The following CDC16 variants were observed in gnomAD, a reference collection of about 807,000 sequenced individuals.
CDC16 encodes cell division cycle 16.
CDC16 carries 34 observed loss-of-function variants against 87.0 expected under a neutral mutation model. The ratio of observed to expected loss-of-function variants is 0.39; its 90% CI spans 0.30 to 0.52. The LOEUF is 0.52. Among genes scored for constraint, CDC16 ranks in the 20% least tolerant of loss-of-function variants. The pLI, the probability that CDC16 is intolerant of heterozygous loss-of-function variation, is 0.74. For missense variants in CDC16, 653 were observed against 751.9 expected, an observed-to-expected ratio of 0.87 and a Z score of 1.54; for synonymous variants, 263 against 260.6, an observed-to-expected ratio of 1.01 and a Z score of -0.09.
intron 17 of CDC16, among the ~76,000 whole-genome samples, chr13:114,267,102 C>T (rs1471249943): frequency 6.6e-6 from 1 of 152,196 alleles, no homozygotes; most frequent in Non-Finnish European, 1.5e-5. Context: ...TTTCTATATG[C>T]TTTAAAACAT....
chr13:114,252,785 T>C (rs1443587428), intron 12 of CDC16, among the ~76,000 whole-genome samples: 1 of 152,206 alleles, frequency 6.6e-6, no homozygotes, highest in Non-Finnish European at 1.5e-5. Flanking sequence ...GAATCAATGA[T>C]AATTAATGAC....
chr13:114,258,324 AG>A (rs1310701417), intron 13 of CDC16, among the ~76,000 whole-genome samples: 1 of 152,196 alleles, frequency 6.6e-6, no homozygotes. Context: ...GCTGGGAGAA[AG>A]CTGGGTCTCC....
chr13:114,252,738 A>G (rs968661448), intron 12 of CDC16, among the ~76,000 whole-genome samples: 29 of 152,226 alleles, frequency 1.9e-4, no homozygotes, highest in Non-Finnish European at 2.2e-4. Flanking sequence ...GTTCTCAGAA[A>G]CAGAATAGTT....
intron 3 of CDC16, 68 bp from the exon 4 acceptor site, chr13:114,238,922 G>A: frequency 6.5e-7 from 1 of 1,538,458 alleles, no homozygotes; most frequent in East Asian, 2.3e-5. Flanking sequence ...TTATGCTTAT[G>A]GCTTTCTTTG....
At chr13:114,253,354 T>C (rs1413550331) in intron 12 of CDC16, among the ~76,000 whole-genome samples, 1 of 152,192 alleles carries the variant, frequency 6.6e-6, no homozygotes, top group Non-Finnish European at 1.5e-5. Context: ...AATTCCATTG[T>C]AGTTAGAGAA....
Position 114,244,967 on chromosome 13 carries a change from A to G in CDC16, c.845A>G (p.Asn282Ser), listed in dbSNP as rs745422474. The change falls in exon 9 of 18, where the codon AAT (asparagine) becomes AGT (serine). Residue 282 changes from asparagine (N) to serine (S), a missense_variant and splice_region_variant. Coordinates refer to ENST00000356221, the MANE Select transcript of CDC16 (RefSeq NM_001078645.3). ...ACGCTTGTAGAGCTGAATAAAGCCA[A>G]TGGTAAGACTTTTTTTTAAATTAAA... ...IGTLVELNKA[N>S]ELFYLSHKLV... The G allele has an allele frequency of 6.5e-7, 1 of 1,549,986 alleles. No individual in the cohort carries two copies. The highest frequency in any genetic ancestry group is 2.3e-5 in the East Asian group (1 of 43,850).
chr13:114,270,118 G>C (rs1383086501), intron 17 of CDC16, among the ~76,000 whole-genome samples: 2 of 152,166 alleles, frequency 1.3e-5, no homozygotes, highest in East Asian at 3.8e-4. Flanking sequence ...CTGAGCCTGG[G>C]TAATTTATAA....
At position 114,235,246 on chromosome 13, in the gene CDC16, C is replaced by T. The variant is rs377337719; in HGVS notation, c.48+114C>T. On this transcript the variant is annotated intron_variant, in intron 1 of 17. Transcript: ENST00000356221. Reference sequence around the variant, plus strand: ...TCTTGGTGGGGAAGGACTGGGCCGGCCCTGGGCCTTCATCTGGGGCCAGCA... The same window carrying T: ...TCTTGGTGGGGAAGGACTGGGCCGGTCCTGGGCCTTCATCTGGGGCCAGCA... 4.8e-5 allele frequency: 33 copies of T among 689,292 alleles called. 1 individual carries two copies. The East Asian group carries it at 7.9e-4, about 16-fold the overall frequency. The allele number at this position is 689,292 out of a possible 1,614,324, so 42.7% of individuals were successfully genotyped here.
At chr13:114,252,265 T>TA (rs2082236829) in intron 12 of CDC16, among the ~76,000 whole-genome samples, 1 of 152,216 alleles carries the variant, frequency 6.6e-6, no homozygotes, top group African/African-American at 2.4e-5. Context: ...AAAGGAGCCT[T>TA]ACACTAGCCC....
In CDC16 at chr13:114,271,358, T is replaced by C. The variant is rs1408416453; in HGVS notation, c.1604-826T>C. On this transcript the variant is annotated intron_variant, in intron 17 of 17. Transcript: ENST00000356221. ...ATGTCGAATGATTGTACCTAATACA[T>C]CTGTTCAGATCTGTTCAAATCTATA... Among the ~76,000 whole-genome samples the C allele has an allele frequency of 2.0e-5, 3 of 152,214 alleles. No individual in the cohort carries two copies. The East Asian group carries it at 5.8e-4, about 29-fold the overall frequency.
chr13:114,260,105 A>T (rs998171280), intron 14 of CDC16, among the ~76,000 whole-genome samples: 2 of 152,044 alleles, frequency 1.3e-5, no homozygotes, highest in African/African-American at 4.8e-5. Context: ...TTCACTTCTC[A>T]GCTTCCTGCT....
intron 16 of CDC16, among the ~76,000 whole-genome samples, chr13:114,263,558 A>G (rs763464410): frequency 1.2e-4 from 18 of 152,362 alleles, no homozygotes; most frequent in Non-Finnish European, 2.2e-4. Flanking sequence ...GAACATATTT[A>G]GGCAGATTTG....
rs1048346381 is a variant in CDC16, at chr13:114,263,856, TGC to T, written c.1512+843_1512+844del. ...GCATGGTTTGTGATCTAGTCTGTGCTGCCAACATAACCACCAAGTTCACGCTT... is the reference window on the plus strand; with the variant it reads ...GCATGGTTTGTGATCTAGTCTGTGCTCAACATAACCACCAAGTTCACGCTT... On this transcript the variant is annotated intron_variant, in intron 16 of 17. Transcript: ENST00000356221. Among the ~76,000 whole-genome samples the T allele has an allele frequency of 5.1e-4, 77 of 152,350 alleles. 1 individual carries two copies. The highest frequency in any genetic ancestry group is 1.8e-3 in the African/African-American group (73 of 41,584).
intron 12 of CDC16, among the ~76,000 whole-genome samples, chr13:114,251,719 T>G (rs1451244060): frequency 1.3e-5 from 2 of 152,226 alleles, no homozygotes; most frequent in African/African-American, 4.8e-5. Flanking sequence ...TTTTCATAGT[T>G]GTGGAGGTTG....
In CDC16 at chr13:114,242,144, A is replaced by G. The variant is rs1406552370; in HGVS notation, c.405A>G (p.Leu135=). 3 of 1,611,090 alleles carry G rather than the reference A, an allele frequency of 1.9e-6. No individual in the cohort carries two copies. The highest frequency in any genetic ancestry group is 1.1e-5 in the South Asian group (1 of 90,140). ...AGATAAAGAGTTCTATCTGTCTTCT[A>G]CGCGGGAAAATCTATGATGCTCTAG... ...QSSIKSSICL[L]RGKIYDALDN... Residue 135 remains leucine (L), a synonymous_variant, in exon 6 of 18, where the codon CTA becomes CTG. Transcript: ENST00000356221.
chr13:114,257,938 C>G (rs1382232606), intron 13 of CDC16, among the ~76,000 whole-genome samples: 1 of 152,080 alleles, frequency 6.6e-6, no homozygotes, highest in Admixed American at 6.5e-5. Flanking sequence ...AGATGCCCAC[C>G]ACCACGCCCG....
chr13:114,272,684 C>CTT lies in CDC16; in HGVS notation c.*249_*250dup. The CTT allele has an allele frequency of 2.8e-6, 1 of 354,706 alleles. No homozygotes were observed. 22.0% of individuals were successfully genotyped at this position (354,706 alleles called of 1,614,324 possible). A position where few individuals can be genotyped will look rare whatever the true frequency, so the allele number is the denominator to read the frequency against. On this transcript the variant is annotated 3_prime_UTR_variant, in exon 18 of 18. Transcript: ENST00000356221. The stretch of plus-strand genomic sequence containing the variant: ...AAAGAAGGTAAACCATCTGTTATGT[C>CTT]TTTTTTTTTCTTTTCCAATAAACTT...
At chr13:114,265,070 G>A (rs1414070371) in intron 16 of CDC16, 80 bp from the exon 17 acceptor site, 1 of 1,042,678 alleles carries the variant, frequency 9.6e-7, no homozygotes, top group East Asian at 2.4e-5. Context: ...GGATGCCCTG[G>A]AATATTTTGA....
At chr13:114,246,132 C>T (rs2081858828) in intron 10 of CDC16, 83 bp downstream of exon 10, 1 of 613,140 alleles carries the variant, frequency 1.6e-6, no homozygotes, top group South Asian at 2.2e-5. Context: ...TAGACAATAG[C>T]TTAAGTTCAA....
Sources: allele counts gnomAD v4.1 joint callset (sites outside exome capture counted in the v4.1 genomes callset), GRCh38; gene constraint gnomAD v4.1.1; transcripts MANE v1.5; gene names NCBI Gene and HGNC (gene_info 2026-07-23, HGNC 2026-07-21).